The following AK5 variants were observed in gnomAD, a reference collection of about 807,000 sequenced individuals.
AK5 encodes adenylate kinase isoenzyme 5.
AK5 carries 27 observed loss-of-function variants against 69.5 expected under a neutral mutation model. The observed-to-expected ratio is 0.39, with a 90% CI of 0.29 to 0.54. The LOEUF (loss-of-function observed/expected upper bound fraction) is 0.54, where lower values mean the gene tolerates loss of function less well. Ranked by LOEUF, AK5 falls within the 20% of genes least tolerant of loss-of-function variation. The pLI, the probability that AK5 is intolerant of heterozygous loss-of-function variation, is 0.71. For missense variants in AK5, 531 were observed against 700.4 expected (o/e 0.76, Z 2.73); for synonymous variants, 260 against 244.4 (o/e 1.06, Z -0.60).
At chr1:77,331,133 A>AT (rs1319149892) in intron 5 of AK5, among the ~76,000 whole-genome samples, 12 of 152,050 alleles carry the variant, frequency 7.9e-5, no homozygotes, top group Non-Finnish European at 1.5e-4. Context: ...TAAATTTTTC[A>AT]TTTTTATATA....
At chr1:77,464,757 CAT>C (rs1654040112) in intron 8 of AK5, among the ~76,000 whole-genome samples, 1 of 152,118 alleles carries the variant, frequency 6.6e-6, no homozygotes, top group South Asian at 2.1e-4. Flanking sequence ...CATTGCCACT[CAT>C]GTGGAGAATG....
chr1:77,526,062 C>T (rs947645136), intron 12 of AK5, among the ~76,000 whole-genome samples: 3 of 152,120 alleles, frequency 2.0e-5, no homozygotes, highest in South Asian at 2.1e-4. Context: ...AATATTAAGC[C>T]TTCCATGGAT....
At chr1:77,329,030 TC>T (rs1408459080) in intron 5 of AK5, among the ~76,000 whole-genome samples, 1 of 151,956 alleles carries the variant, frequency 6.6e-6, no homozygotes, top group Non-Finnish European at 1.5e-5. Context: ...CCCAATTGCC[TC>T]CCAAAGGCCC....
At chr1:77,503,184 T>C (rs768179619) in intron 10 of AK5, among the ~76,000 whole-genome samples, 1 of 152,160 alleles carries the variant, frequency 6.6e-6, no homozygotes, top group Non-Finnish European at 1.5e-5. Flanking sequence ...AGAGTTAACA[T>C]TGTAACATGT....
At chr1:77,378,012 T>C (rs990911593) in intron 6 of AK5, among the ~76,000 whole-genome samples, 1 of 152,162 alleles carries the variant, frequency 6.6e-6, no homozygotes, top group Non-Finnish European at 1.5e-5. Context: ...AATGTTTTTT[T>C]CTAAACATCA....
At chr1:77,386,683 A>AT (rs1338579208) in intron 6 of AK5, among the ~76,000 whole-genome samples, 1 of 152,206 alleles carries the variant, frequency 6.6e-6, no homozygotes, top group African/African-American at 2.4e-5. Context: ...AAGCTGTTAC[A>AT]TATGTATAAT....
At chr1:77,533,117 A>G (rs1342126934) in intron 12 of AK5, among the ~76,000 whole-genome samples, 1 of 152,208 alleles carries the variant, frequency 6.6e-6, no homozygotes, top group Non-Finnish European at 1.5e-5. Flanking sequence ...ATTCCAGGAG[A>G]GAGAGGTTAG....
intron 6 of AK5, among the ~76,000 whole-genome samples, chr1:77,405,789 G>A (rs1440478513): frequency 1.3e-5 from 2 of 152,132 alleles, no homozygotes; most frequent in Non-Finnish European, 2.9e-5. Flanking sequence ...TACCAGACTG[G>A]CCTGAGATAG....
chr1:77,553,731 C>T (rs1028127919), intron 13 of AK5, among the ~76,000 whole-genome samples: 1 of 152,118 alleles, frequency 6.6e-6, no homozygotes, highest in African/African-American at 2.4e-5. Context: ...ATAAATCAAG[C>T]GTTTGTGGAT....
rs115419907 is a variant in AK5, at chr1:77,473,184, T to C, written c.1060-10133T>C. 2.9e-3 allele frequency among the ~76,000 whole-genome samples: 442 copies of C among 151,912 alleles called. 1 individual carries two copies. The highest frequency in any genetic ancestry group is 4.4e-3 in the Admixed American group (67 of 15,258). ...TTGCATGAGCAGTAGAATCTCAGCA[T>C]TGGAAGCTTCTTGGGGTTTTTTTTT... On this transcript the variant is annotated intron_variant, in intron 8 of 13. Coordinates refer to ENST00000354567, the MANE Select transcript of AK5 (RefSeq NM_174858.3).
chr1:77,366,466 T>C (rs1405317548), intron 6 of AK5, among the ~76,000 whole-genome samples: 1 of 152,178 alleles, frequency 6.6e-6, no homozygotes, highest in East Asian at 1.9e-4. Context: ...ATAAAATAAT[T>C]TGTCCAAGTT....
intron 8 of AK5, among the ~76,000 whole-genome samples, chr1:77,477,439 A>C (rs1570221272): frequency 6.6e-6 from 1 of 151,974 alleles, no homozygotes. Flanking sequence ...TATCCCCACC[A>C]CTCTGCTATT....
At chr1:77,367,946 T>TTATA (rs71075736) in intron 6 of AK5, among the ~76,000 whole-genome samples, 992 of 38,748 alleles carry the variant, frequency 0.026, 60 homozygotes, top group Non-Finnish European at 0.039. Context: ...AATATATATG[T>TTATA]TATATATATA....
chr1:77,525,469 G>A (rs1420825720), intron 12 of AK5, among the ~76,000 whole-genome samples: 1 of 152,354 alleles, frequency 6.6e-6, no homozygotes, highest in Non-Finnish European at 1.5e-5. Context: ...GCCTCAGGAA[G>A]CTTCCACTCA....
At chr1:77,390,209 GT>G (rs1648331268) in intron 6 of AK5, among the ~76,000 whole-genome samples, 1 of 152,116 alleles carries the variant, frequency 6.6e-6, no homozygotes, top group Admixed American at 6.6e-5. Context: ...TCCTACCCAG[GT>G]AAAATCAGTT....
chr1:77,359,051 C>T (rs1823838), intron 6 of AK5, among the ~76,000 whole-genome samples: 76,819 of 151,580 alleles, frequency 0.51, 19,628 homozygotes, highest in East Asian at 0.58. Flanking sequence ...GTCAGGAGAT[C>T]GAGACCATCC....
At chr1:77,367,589 T>A (rs1306135660) in intron 6 of AK5, among the ~76,000 whole-genome samples, 29 of 43,576 alleles carry the variant, frequency 6.7e-4, no homozygotes, top group Admixed American at 7.9e-4. Flanking sequence ...AATATATATG[T>A]TATATATGTA....
At chr1:77,407,476 A>G (rs949386873) in intron 6 of AK5, among the ~76,000 whole-genome samples, 7 of 152,194 alleles carry the variant, frequency 4.6e-5, no homozygotes, top group Non-Finnish European at 1.0e-4. Flanking sequence ...CAGAAAGCAG[A>G]TAAATGGTTA....
intron 5 of AK5, among the ~76,000 whole-genome samples, chr1:77,301,658 C>T (rs1009481757): frequency 2.6e-5 from 4 of 152,152 alleles, no homozygotes; most frequent in African/African-American, 7.2e-5. Context: ...TTTTCTTCAT[C>T]AGGTCTAGCT....
Sources: allele counts gnomAD v4.1 joint callset (sites outside exome capture counted in the v4.1 genomes callset), GRCh38; gene constraint gnomAD v4.1.1; transcripts MANE v1.5; gene names NCBI Gene and HGNC (gene_info 2026-07-23, HGNC 2026-07-21).